Variants in SOX5 observed in about 807,000 individuals in gnomAD.
The protein encoded by SOX5 is SRY-box transcription factor 5.
Under a neutral mutation model 92.0 loss-of-function variants are expected in SOX5, and 9 were observed. That is an observed-to-expected ratio of 0.10 (90% CI 0.06 to 0.17). The LOEUF is 0.17. SOX5 is among the 10% of genes least tolerant of loss of function. The pLI, the probability that SOX5 is intolerant of heterozygous loss-of-function variation, is 1.00. For missense variants in SOX5, 642 were observed against 944.5 expected (o/e 0.68, Z 4.20); for synonymous variants, 344 against 336.3 (o/e 1.02, Z -0.25).
chr12:24,244,750 T>C (rs1219154556), intron 3 of SOX5, among the ~76,000 whole-genome samples: 1 of 152,216 alleles, frequency 6.6e-6, no homozygotes, highest in Non-Finnish European at 1.5e-5. Flanking sequence ...TAGAGTGCAA[T>C]GGCATGATCT....
At chr12:23,557,987 A>AG (rs1485637617) in intron 11 of SOX5, among the ~76,000 whole-genome samples, 2 of 151,922 alleles carry the variant, frequency 1.3e-5, no homozygotes, top group African/African-American at 4.8e-5. Flanking sequence ...AAAAAAAAAA[A>AG]AAAAGACCCT....
intron 4 of SOX5, among the ~76,000 whole-genome samples, chr12:24,054,018 T>C (rs1957856947): frequency 6.6e-6 from 1 of 152,186 alleles, no homozygotes; most frequent in South Asian, 2.1e-4. Context: ...GTTCTTTCCA[T>C]GGCACTACAA....
chr12:23,595,312 T>C lies in SOX5; in HGVS notation c.1164+9075A>G, dbSNP rs140724998. 8.1e-4 allele frequency among the ~76,000 whole-genome samples: 123 copies of C among 151,806 alleles called. 1 individual carries two copies. In the East Asian group the frequency reaches 0.015, roughly 18 times the overall value. The stretch of plus-strand genomic sequence containing the variant: ...GATCCTGATTAAACCACACATGAAA[T>C]CTGAAGAACTTCTTAAAAAAAAATT... On this transcript the variant is annotated intron_variant, in intron 9 of 14. Transcript: ENST00000451604.
intron 1 of SOX5, among the ~76,000 whole-genome samples, chr12:24,509,995 T>TTC (rs1949157993): frequency 6.6e-6 from 1 of 152,212 alleles, no homozygotes; most frequent in South Asian, 2.1e-4. Flanking sequence ...AAGATCTGAT[T>TTC]TCTCTTCACT....
chr12:24,039,683 A>G (rs1055911249), intron 4 of SOX5, among the ~76,000 whole-genome samples: 1 of 152,176 alleles, frequency 6.6e-6, no homozygotes, highest in Non-Finnish European at 1.5e-5. Context: ...ATCAATAAAA[A>G]TTTTGTCCAT....
At chr12:23,974,727 T>G (rs1463127539) in intron 4 of SOX5, among the ~76,000 whole-genome samples, 1 of 152,162 alleles carries the variant, frequency 6.6e-6, no homozygotes, top group East Asian at 1.9e-4. Flanking sequence ...ATCATAATTT[T>G]TTAGTGAATG....
intron 3 of SOX5, among the ~76,000 whole-genome samples, chr12:23,758,502 G>A (rs1178530728): frequency 6.6e-6 from 1 of 151,724 alleles, no homozygotes; most frequent in Non-Finnish European, 1.5e-5. Context: ...TTCACATGTG[G>A]TATCTCAGAC....
intron 1 of SOX5, among the ~76,000 whole-genome samples, chr12:24,561,749 A>G (rs1386516288): frequency 6.8e-6 from 1 of 147,654 alleles, no homozygotes; most frequent in Admixed American, 6.8e-5. Flanking sequence ...GGTAGGGAGA[A>G]GGATTGCAGA....
At chr12:23,833,062 T>C (rs1425416173) in intron 3 of SOX5, among the ~76,000 whole-genome samples, 1 of 151,980 alleles carries the variant, frequency 6.6e-6, no homozygotes, top group African/African-American at 2.4e-5. Context: ...AAAGCCAAAG[T>C]TGTGGATTAT....
chr12:23,564,564 C>G (rs543174990), intron 10 of SOX5, among the ~76,000 whole-genome samples: 129 of 152,274 alleles, frequency 8.5e-4, no homozygotes, highest in Middle Eastern at 3.4e-3. Flanking sequence ...TCAACATGTT[C>G]CATGGATTCC....
intron 4 of SOX5, among the ~76,000 whole-genome samples, chr12:23,994,565 AT>A (rs1367913434): frequency 6.6e-6 from 1 of 151,888 alleles, no homozygotes; most frequent in Admixed American, 6.6e-5. Flanking sequence ...AACCAATACT[AT>A]TTTCTCCGTA....
intron 4 of SOX5, among the ~76,000 whole-genome samples, chr12:23,969,349 G>C (rs1264723712): frequency 1.3e-5 from 2 of 151,546 alleles, no homozygotes; most frequent in Non-Finnish European, 2.9e-5. Flanking sequence ...ACTGTACCGA[G>C]ACCAATGTTC....
rs188525047 is a variant in SOX5 at position 24,066,966 on chromosome 12, G to A, written c.-2+146377C>T. ...TTCAAAAGGAAAAGAGTCACTTTCTGAGTCATAACATCACTCTGGTTTTCC... is the reference window on the plus strand; with the variant it reads ...TTCAAAAGGAAAAGAGTCACTTTCTAAGTCATAACATCACTCTGGTTTTCC... On this transcript the variant is annotated intron_variant, in intron 4 of 4. Transcript: ENST00000446891. Among the ~76,000 whole-genome samples, 85 of 152,246 alleles carry A rather than the reference G, an allele frequency of 5.6e-4. 1 individual carries two copies. The East Asian group carries it at 0.014, about 25-fold the overall frequency.
chr12:24,022,761 A>C (rs1169694364), intron 4 of SOX5, among the ~76,000 whole-genome samples: 2 of 152,102 alleles, frequency 1.3e-5, no homozygotes, highest in African/African-American at 4.8e-5. Flanking sequence ...GCCATTCCTT[A>C]ATTTAATTTT....
chr12:24,083,087 A>T (rs1344038196), intron 4 of SOX5, among the ~76,000 whole-genome samples: 1 of 152,032 alleles, frequency 6.6e-6, no homozygotes, highest in African/African-American at 2.4e-5. Flanking sequence ...TTTCCTTGAC[A>T]GCATATAGAT....
chr12:24,056,395 G>A (rs1293129861), intron 4 of SOX5, among the ~76,000 whole-genome samples: 1 of 152,122 alleles, frequency 6.6e-6, no homozygotes, highest in Non-Finnish European at 1.5e-5. Flanking sequence ...GAAATTTGAG[G>A]TTACTTGAAG....
At chr12:23,626,637 G>A (rs1021904124) in intron 8 of SOX5, among the ~76,000 whole-genome samples, 1 of 146,976 alleles carries the variant, frequency 6.8e-6, no homozygotes, top group African/African-American at 2.5e-5. Flanking sequence ...TTTCCTTCTG[G>A]GGATTTCTGG....
rs114679142 is a variant in SOX5, at chr12:23,766,498, T to A, written c.482-10774A>T. On this transcript the variant is annotated intron_variant, in intron 3 of 14. Transcript: ENST00000451604. ...ATATTTTGTTTGAATCCCAGGAATC[T>A]GAACTTTTCTAAGACTTAAGGTAAT... is the stretch of plus-strand genomic sequence containing the variant. 3.9e-5 allele frequency among the ~76,000 whole-genome samples: 6 copies of A among 152,274 alleles called. No homozygotes were observed. In the East Asian group the frequency reaches 1.2e-3, roughly 29 times the overall value.
chr12:24,104,767 C>G (rs1946488469), intron 4 of SOX5, among the ~76,000 whole-genome samples: 1 of 152,212 alleles, frequency 6.6e-6, no homozygotes, highest in South Asian at 2.1e-4. Context: ...CATATTAAGT[C>G]AGAGCACTGG....
Sources: gnomAD v4.1 joint callset for allele counts (sites outside exome capture counted in the v4.1 genomes callset) on GRCh38, gnomAD v4.1.1 for gene constraint, MANE v1.5 for transcripts, NCBI Gene and HGNC (gene_info 2026-07-23, HGNC 2026-07-21) for gene names.